Variants in KLF13 observed in about 807,000 individuals in gnomAD.
KLF13 encodes the protein Krueppel-like factor 13.
Under a neutral mutation model 16.7 loss-of-function variants are expected in KLF13, and 8 were observed. That is an observed-to-expected ratio of 0.48 (90% CI 0.28 to 0.87). The LOEUF is 0.87. Ranked by LOEUF, KLF13 falls within the 40% of genes least tolerant of loss-of-function variation. KLF13 has a pLI of 0.10. For missense variants in KLF13, 447 were observed against 452.2 expected, an observed-to-expected ratio of 0.99 and a Z score of 0.10; for synonymous variants, 245 against 208.4, an observed-to-expected ratio of 1.18 and a Z score of -1.51.
chr15:31,367,192 T>G (rs1027906440), intron 1 of KLF13, among the ~76,000 whole-genome samples: 21 of 152,156 alleles, frequency 1.4e-4, no homozygotes, highest in Admixed American at 7.9e-4. Flanking sequence ...TGCCTGAGTG[T>G]CACTACCAGG....
At chr15:31,409,572 T>TA (rs1290102569), downstream of KLF13, among the ~76,000 whole-genome samples, 3 of 151,844 alleles carry the variant, frequency 2.0e-5, no homozygotes, top group Admixed American at 6.6e-5. Context: ...AAACCACACT[T>TA]ACGTATGTCA....
chr15:31,428,820 A>AAAAAAAACAAAAAAG (rs61521558), intron 1 of KLF13, among the ~76,000 whole-genome samples: 1 of 72,650 alleles, frequency 1.4e-5, no homozygotes, highest in African/African-American at 6.2e-5. Flanking sequence ...AAAAAAAAAA[A>AAAAAAAACAAAAAAG]AAAAAGAAAA....
chr15:31,351,983 G>C (rs553959950), intron 1 of KLF13, among the ~76,000 whole-genome samples: 1 of 152,000 alleles, frequency 6.6e-6, no homozygotes, highest in South Asian at 2.1e-4. Flanking sequence ...CTGCACTCCA[G>C]CCTGAGCAAC....
upstream of KLF13, among the ~76,000 whole-genome samples, chr15:31,391,597 C>T (rs1008647421): frequency 1.3e-5 from 2 of 151,866 alleles, no homozygotes; most frequent in East Asian, 2.0e-4. Flanking sequence ...GATTGCCCCC[C>T]ACCCCGCCCC....
intron 1 of KLF13, among the ~76,000 whole-genome samples, chr15:31,356,842 T>C (rs2039308196): frequency 6.6e-6 from 1 of 152,204 alleles, no homozygotes; most frequent in South Asian, 2.1e-4. Context: ...TACCAGGGCT[T>C]GGAGGTGTGC....
intron 1 of KLF13, among the ~76,000 whole-genome samples, chr15:31,410,881 C>A (rs1338077333): frequency 6.6e-6 from 1 of 151,956 alleles, no homozygotes; most frequent in African/African-American, 2.4e-5. Flanking sequence ...CATTACAGAC[C>A]CCTATAGACA....
rs1417481441 is a variant in KLF13 at position 31,375,208 on chromosome 15, CG to C, written c.*2911del. ...GGGAGAAACCCATGAATCTCAGGCA[CG>C]GTTCACAGGGGTCCTCAAGGGCAGG... On this transcript the variant is annotated 3_prime_UTR_variant, in exon 2 of 2. Coordinates refer to ENST00000307145, the MANE Select transcript of KLF13 (RefSeq NM_015995.4). 1.3e-5 allele frequency: 2 copies of C among 152,178 alleles called. No individual in the cohort carries two copies. Among genetic ancestry groups the C allele is most frequent in the Non-Finnish European group, 2.9e-5 (2 of 68,038 alleles). 9.4% of individuals were successfully genotyped at this position (152,178 alleles called of 1,614,324 possible).
At chr15:31,420,239 G>T in intron 1 of KLF13, 1 of 666,406 alleles carries the variant, frequency 1.5e-6, no homozygotes, top group South Asian at 1.4e-5. Context: ...ACTACAGCAG[G>T]AGCTGATGAC....
At chr15:31,407,723 C>T (rs1210201168), downstream of KLF13, among the ~76,000 whole-genome samples, 3 of 152,112 alleles carry the variant, frequency 2.0e-5, no homozygotes, top group African/African-American at 7.2e-5. Context: ...ATACCAGGAA[C>T]TCAAAGATGA....
chr15:31,339,844 C>T (rs540808898), intron 1 of KLF13: 4 of 667,896 alleles, frequency 6.0e-6, no homozygotes, highest in African/African-American at 1.8e-5. Flanking sequence ...CGTGGGAGTG[C>T]CCCAGGTGGC....
intron 2 of KLF13, among the ~76,000 whole-genome samples, chr15:31,396,318 CG>C (rs1446864922): frequency 6.6e-6 from 1 of 152,122 alleles, no homozygotes; most frequent in Non-Finnish European, 1.5e-5. Context: ...CCACCGTGCC[CG>C]GCCTAATTTT....
intron 1 of KLF13, among the ~76,000 whole-genome samples, chr15:31,368,998 TTTC>T (rs2039517719): frequency 6.6e-6 from 1 of 152,330 alleles, no homozygotes; most frequent in South Asian, 2.1e-4. Context: ...TTTACTGCTG[TTTC>T]TTGATTTATC....
At chr15:31,370,147 T>C (rs1197635921) in intron 1 of KLF13, among the ~76,000 whole-genome samples, 1 of 151,720 alleles carries the variant, frequency 6.6e-6, no homozygotes, top group Non-Finnish European at 1.5e-5. Flanking sequence ...ATTGTAATTG[T>C]CGTGTATTTG....
At chr15:31,397,862 T>C (rs1162092346) in intron 2 of KLF13, among the ~76,000 whole-genome samples, 1 of 38,374 alleles carries the variant, frequency 2.6e-5, no homozygotes, top group Non-Finnish European at 4.4e-5. Context: ...CTCTGGTCTT[T>C]GGGGGTGGCG....
chr15:31,407,931 T>C (rs1181535951), downstream of KLF13, among the ~76,000 whole-genome samples: 18 of 152,220 alleles, frequency 1.2e-4, no homozygotes, highest in Admixed American at 1.2e-3. Flanking sequence ...AAATCACTGA[T>C]TTATTTAATG....
At chr15:31,433,907 TA>T (rs1436985415) in intron 1 of KLF13, among the ~76,000 whole-genome samples, 1 of 152,226 alleles carries the variant, frequency 6.6e-6, no homozygotes, top group African/African-American at 2.4e-5. Flanking sequence ...CTCAGGGTCT[TA>T]TCTGCCCTCG....
At chr15:31,358,039 G>A (rs2039327963) in intron 1 of KLF13, among the ~76,000 whole-genome samples, 1 of 152,158 alleles carries the variant, frequency 6.6e-6, no homozygotes, top group Non-Finnish European at 1.5e-5. Flanking sequence ...TTCCTGTTAG[G>A]CCTTTGGTCC....
At chr15:31,335,549 C>T (rs527839196) in intron 1 of KLF13, among the ~76,000 whole-genome samples, 3 of 152,014 alleles carry the variant, frequency 2.0e-5, no homozygotes, top group Admixed American at 6.6e-5. Context: ...CTTGACCAGT[C>T]CCTGGTTTTT....
At chr15:31,335,465 G>A (rs2038913990) in intron 1 of KLF13, among the ~76,000 whole-genome samples, 1 of 101,462 alleles carries the variant, frequency 9.9e-6, no homozygotes, top group Non-Finnish European at 2.2e-5. Flanking sequence ...GTGTGTGTGT[G>A]TGTGTGTGTG....
Sources: gnomAD v4.1 joint callset for allele counts (sites outside exome capture counted in the v4.1 genomes callset) on GRCh38, gnomAD v4.1.1 for gene constraint, MANE v1.5 for transcripts, NCBI Gene and HGNC (gene_info 2026-07-23, HGNC 2026-07-21) for gene names.